Variants in DEFB126 observed in about 807,000 individuals in gnomAD.
The protein encoded by DEFB126 is defensin beta 126, also known as beta-defensin 126.
In DEFB126, 2 loss-of-function variants were observed where a neutral mutation model predicts 2.5. The observed-to-expected ratio is 0.79, with a 90% CI of 0.32 to 2.49. The LOEUF (loss-of-function observed/expected upper bound fraction) is 2.49, where lower values mean the gene tolerates loss of function less well. DEFB126 is among the 30% of genes most tolerant of loss of function. The pLI, the probability that DEFB126 is intolerant of heterozygous loss-of-function variation, is 0.11. For synonymous variants in DEFB126, 51 were observed against 45.4 expected (o/e 1.12, Z -0.50); for missense variants, 136 against 135.4 (o/e 1.00, Z -0.02).
intron 1 of DEFB126, 107 bp downstream of exon 1, chr20:142,793 G>A: frequency 8.4e-7 from 1 of 1,185,024 alleles, no homozygotes. Context: ...CTTCTCACTG[G>A]GAGCAGGGCT....
intron 1 of DEFB126, among the ~76,000 whole-genome samples, chr20:142,975 G>A (rs768701848): frequency 2.0e-5 from 3 of 151,920 alleles, no homozygotes; most frequent in Non-Finnish European, 4.4e-5. Context: ...GTCACTTCGG[G>A]TCAGTCCAGT....
chr20:142,817 CT>C, intron 1 of DEFB126, 131 bp downstream of exon 1: 1 of 909,966 alleles, frequency 1.1e-6, no homozygotes, highest in Non-Finnish European at 1.8e-6. Context: ...ATTTGTCCTA[CT>C]TCTTCAGACC....
In DEFB126 at chr20:145,396, A is replaced by G. The variant is rs767029386; in HGVS notation, c.59-19A>G. On this transcript the variant is annotated intron_variant, in intron 1 of 1. Coordinates refer to ENST00000382398, the MANE Select transcript of DEFB126 (RefSeq NM_030931.4). ...GATAAATACTTAGGCTTAATAATCT[A>G]TATAATTCCTTTATTCAGGTAATTG... The G allele has an allele frequency of 1.6e-5, 26 of 1,610,138 alleles. No homozygotes were observed. Among genetic ancestry groups the G allele is most frequent in the Middle Eastern group, 1.6e-4 (1 of 6,064 alleles).
chr20:143,401 C>CT (rs2123016336), intron 1 of DEFB126, among the ~76,000 whole-genome samples: 1 of 152,174 alleles, frequency 6.6e-6, no homozygotes, highest in South Asian at 2.1e-4. Flanking sequence ...TTATAACCTG[C>CT]TTTATTTTTT....
chr20:144,308 A>G (rs1053679256), intron 1 of DEFB126, among the ~76,000 whole-genome samples: 1 of 152,108 alleles, frequency 6.6e-6, no homozygotes, highest in Non-Finnish European at 1.5e-5. Flanking sequence ...TAAAAACTCA[A>G]TCATCAGAGG....
intron 1 of DEFB126, among the ~76,000 whole-genome samples, chr20:142,998 C>A (rs978307817): frequency 6.8e-6 from 1 of 147,022 alleles, no homozygotes; most frequent in African/African-American, 2.4e-5. Flanking sequence ...AGCCCTGCCT[C>A]ATTTCACTTT....
In DEFB126 at chr20:145,730, C is replaced by T. The variant is rs1423911702; in HGVS notation, c.*38C>T. 3 of 1,585,348 alleles carry T rather than the reference C, an allele frequency of 1.9e-6. No homozygotes were observed. The highest frequency in any genetic ancestry group is 1.7e-5 in the Admixed American group (1 of 59,038). On this transcript the variant is annotated 3_prime_UTR_variant, in exon 2 of 2. Transcript: ENST00000382398. The stretch of plus-strand genomic sequence containing the variant: ...CTGTCTCCTGCTCTAGGATCCCCGA[C>T]TCATTAAAGCAAAGAGGCTTATTCT...
rs1361524359 is a variant in DEFB126 at position 145,657 on chromosome 20, T to C, written c.301T>C (p.Ser101Pro). 1.9e-6 allele frequency: 3 copies of C among 1,576,668 alleles called. No homozygotes were observed. Among genetic ancestry groups the C allele is most frequent in the Non-Finnish European group, 2.6e-6 (3 of 1,164,558 alleles). ...GATGATGACTACTGCTTCGATGTCTTCGATGGCTCCTACCCCCGTTTCTCC... is the reference window on the plus strand; with the variant it reads ...GATGATGACTACTGCTTCGATGTCTCCGATGGCTCCTACCCCCGTTTCTCC... The part of the protein sequence containing the change: ...TLMMTTASMS[S>P]MAPTPVSPTG Residue 101 changes from serine (S) to proline (P), a missense_variant, in exon 2 of 2, where the codon TCG (serine) becomes CCG (proline). By Grantham distance (74) the Ser-to-Pro change is moderately conservative. Coordinates refer to ENST00000382398, the MANE Select transcript of DEFB126 (RefSeq NM_030931.4).
chr20:144,667 G>A (rs1253440278), intron 1 of DEFB126, among the ~76,000 whole-genome samples: 3 of 152,066 alleles, frequency 2.0e-5, no homozygotes, highest in African/African-American at 7.2e-5. Flanking sequence ...ACCATGTGAT[G>A]AGATATTTTC....
intron 1 of DEFB126, among the ~76,000 whole-genome samples, 184 bp from the exon 2 acceptor site, chr20:145,230 TA>T (rs1031199834): frequency 2.6e-5 from 4 of 152,168 alleles, no homozygotes; most frequent in Non-Finnish European, 5.9e-5. Flanking sequence ...CATACATATC[TA>T]AAGAATTCTA....
At chr20:144,186 T>C (rs2123017009) in intron 1 of DEFB126, among the ~76,000 whole-genome samples, 1 of 152,204 alleles carries the variant, frequency 6.6e-6, no homozygotes, top group African/African-American at 2.4e-5. Flanking sequence ...TCTCCCTCTG[T>C]CTCTGGAACA....
intron 1 of DEFB126, among the ~76,000 whole-genome samples, chr20:143,365 C>T (rs976085050): frequency 1.3e-5 from 2 of 152,110 alleles, no homozygotes; most frequent in African/African-American, 4.8e-5. Flanking sequence ...TGCATTTTTT[C>T]ACTTGTAACC....
chr20:143,695 A>G (rs1392774911), intron 1 of DEFB126, among the ~76,000 whole-genome samples: 1 of 152,136 alleles, frequency 6.6e-6, no homozygotes, highest in Non-Finnish European at 1.5e-5. Context: ...TAACTGGCAC[A>G]TATTGCCAAT....
rs558816744 is a variant in DEFB126 at position 143,606 on chromosome 20, T to C, written c.58+920T>C. Among the ~76,000 whole-genome samples the C allele has an allele frequency of 8.3e-4, 127 of 152,288 alleles. 3 individuals carry two copies. The South Asian group carries it at 0.025, about 30-fold the overall frequency. On this transcript the variant is annotated intron_variant, in intron 1 of 1. Coordinates refer to ENST00000382398, the MANE Select transcript of DEFB126 (RefSeq NM_030931.4). The stretch of plus-strand genomic sequence containing the variant: ...AACATTGTACAACCTTATTAATATA[T>C]CATTGTGAGATTCTCTGTTTGTATA...
intron 1 of DEFB126, 30 bp from the exon 2 acceptor site, chr20:145,385 C>T: frequency 6.3e-7 from 1 of 1,599,412 alleles, no homozygotes; most frequent in African/African-American, 1.3e-5. Context: ...AATACTTAGG[C>T]TTAATAATCT....
In DEFB126 at chr20:145,553, C is replaced by T; in HGVS notation, c.197C>T (p.Ala66Val). 1 of 1,614,058 alleles carries T rather than the reference C, an allele frequency of 6.2e-7. No homozygotes were observed. The highest frequency in any genetic ancestry group is 8.5e-7 in the Non-Finnish European group (1 of 1,179,966). ...TGCTGTGTTCCAGCTGACAGACGTG[C>T]TAATTATCCTGTTTTCTGTGTCCAG... Reference protein sequence around the residue: ...RDCCVPADRRANYPVFCVQTK... With the variant: ...RDCCVPADRRVNYPVFCVQTK... Residue 66 changes from alanine to valine, a missense_variant, in exon 2 of 2, where the codon GCT becomes GTT. Physicochemically the swap from Ala to Val is moderately conservative, Grantham distance 64. Transcript: ENST00000382398.
Position 144,044 on chromosome 20 carries a change from A to G in DEFB126, c.58+1358A>G, listed in dbSNP as rs2054658091. Reference sequence around the variant, plus strand: ...AGCCCGCCTCTAGAGATAGTAGTTTATATTCCCTAATTTGCAGAAATGTTC... The same window carrying G: ...AGCCCGCCTCTAGAGATAGTAGTTTGTATTCCCTAATTTGCAGAAATGTTC... On this transcript the variant is annotated intron_variant, in intron 1 of 1. Transcript: ENST00000382398. 2.0e-5 allele frequency among the ~76,000 whole-genome samples: 3 copies of G among 152,156 alleles called. No individual in the cohort carries two copies. In the South Asian group the frequency reaches 6.2e-4, roughly 32 times the overall value.
intron 1 of DEFB126, among the ~76,000 whole-genome samples, chr20:144,120 A>G (rs2054658328): frequency 6.6e-6 from 1 of 152,086 alleles, no homozygotes; most frequent in Non-Finnish European, 1.5e-5. Context: ...GTTGTCTCAA[A>G]AGATGTTTCA....
Position 145,746 on chromosome 20 carries a change from G to T in DEFB126, c.*54G>T. 6.4e-7 allele frequency: 1 copy of T among 1,558,798 alleles called. No individual in the cohort carries two copies. The highest frequency in any genetic ancestry group is 1.8e-5 in the Admixed American group (1 of 57,010). On this transcript the variant is annotated 3_prime_UTR_variant, in exon 2 of 2. Coordinates refer to ENST00000382398, the MANE Select transcript of DEFB126 (RefSeq NM_030931.4). Reference sequence around the variant, plus strand: ...GATCCCCGACTCATTAAAGCAAAGAGGCTTATTCTGGTGTCAGTTTTCTCT... The same window carrying T: ...GATCCCCGACTCATTAAAGCAAAGATGCTTATTCTGGTGTCAGTTTTCTCT...
Sources: allele counts gnomAD v4.1 joint callset (sites outside exome capture counted in the v4.1 genomes callset), GRCh38; gene constraint gnomAD v4.1.1; transcripts MANE v1.5; gene names NCBI Gene and HGNC (gene_info 2026-07-23, HGNC 2026-07-21).